The following ADAMTSL1 variants were observed in gnomAD, a reference collection of about 807,000 sequenced individuals.
The protein encoded by ADAMTSL1 is ADAMTS like 1.
ADAMTSL1 carries 126 observed loss-of-function variants against 201.8 expected under a neutral mutation model. The ratio of observed to expected loss-of-function variants is 0.62; its 90% confidence interval spans 0.54 to 0.72. The LOEUF is 0.72. ADAMTSL1 is among the 30% of genes least tolerant of loss of function. The pLI is 0.00. For synonymous variants in ADAMTSL1, 1,121 were observed against 903.4 expected (o/e 1.24, Z -4.32); for missense variants, 2,679 against 2,277.8 (o/e 1.18, Z -3.59).
chr9:18,616,983 C>G (rs1032980547), intron 4 of ADAMTSL1, among the ~76,000 whole-genome samples: 2 of 152,116 alleles, frequency 1.3e-5, no homozygotes, highest in African/African-American at 4.8e-5. Context: ...AAAGTTCTAT[C>G]TAAATTAAGT....
At chr9:18,718,525 C>T (rs773142346) in intron 14 of ADAMTSL1, 1 of 533,146 alleles carries the variant, frequency 1.9e-6, no homozygotes, top group Non-Finnish European at 3.8e-6. Flanking sequence ...TATACTCATG[C>T]ATGATGCAAA....
intron 2 of ADAMTSL1, among the ~76,000 whole-genome samples, chr9:18,317,166 G>A (rs1834434318): frequency 6.6e-6 from 1 of 152,128 alleles, no homozygotes; most frequent in African/African-American, 2.4e-5. Context: ...TATATGTGGT[G>A]TGGAATCTAG....
At chr9:18,630,556 A>C (rs924495595) in intron 5 of ADAMTSL1, among the ~76,000 whole-genome samples, 12 of 152,128 alleles carry the variant, frequency 7.9e-5, no homozygotes, top group African/African-American at 2.9e-4. Flanking sequence ...TGAGCTCTAC[A>C]GGTCTTCATA....
chr9:18,885,781 C>CGAAGGAGGTAGCAAG (rs1828811411), intron 23 of ADAMTSL1, among the ~76,000 whole-genome samples: 2 of 152,116 alleles, frequency 1.3e-5, no homozygotes, highest in African/African-American at 4.8e-5. Flanking sequence ...AGCAAAGAAA[C>CGAAGGAGGTAGCAAG]GAAGGAGGTA....
intron 1 of ADAMTSL1, among the ~76,000 whole-genome samples, chr9:18,043,622 G>A (rs946690229): frequency 1.3e-5 from 2 of 151,932 alleles, no homozygotes; most frequent in African/African-American, 2.4e-5. Flanking sequence ...ACTTCTAGAG[G>A]GAAGATATGG....
intron 1 of ADAMTSL1, among the ~76,000 whole-genome samples, chr9:17,985,053 TAA>T (rs375378125): frequency 2.0e-4 from 30 of 152,274 alleles, no homozygotes; most frequent in African/African-American, 6.5e-4. Context: ...TTCTGTATTT[TAA>T]AATAGGAAGA....
intron 2 of ADAMTSL1, among the ~76,000 whole-genome samples, chr9:18,511,998 C>G (rs1028767835): frequency 2.6e-5 from 4 of 152,106 alleles, no homozygotes; most frequent in African/African-American, 4.8e-5. Context: ...TGTTATCACC[C>G]TTGTTTTCCT....
intron 2 of ADAMTSL1, among the ~76,000 whole-genome samples, chr9:18,420,013 C>T (rs1818870494): frequency 6.6e-6 from 1 of 152,204 alleles, no homozygotes; most frequent in African/African-American, 2.4e-5. Context: ...CAGGTGTGAG[C>T]CACCGTGCCT....
intron 7 of ADAMTSL1, among the ~76,000 whole-genome samples, chr9:18,655,923 G>C (rs766300503): frequency 6.8e-6 from 1 of 148,012 alleles, no homozygotes; most frequent in Non-Finnish European, 1.5e-5. Flanking sequence ...ATGAGAAATA[G>C]AAATCTATAG....
chr9:18,680,739 A>G (rs1830421477), intron 11 of ADAMTSL1: 2 of 546,286 alleles, frequency 3.7e-6, no homozygotes, highest in African/African-American at 1.9e-5. Flanking sequence ...AGAAGCCTCT[A>G]TTGTTCCCCA....
Position 17,910,121 on chromosome 9 carries a change from CG to C in ADAMTSL1, c.87+3200del, listed in dbSNP as rs568998695. 5.1e-4 allele frequency among the ~76,000 whole-genome samples: 35 copies of C among 68,064 alleles called. 10 individuals carry two copies. The highest frequency in any genetic ancestry group is 9.7e-4 in the African/African-American group (33 of 34,012). 44.7% of individuals were successfully genotyped at this position (68,064 alleles called of 152,430 possible). A position where few individuals can be genotyped will look rare whatever the true frequency, so the allele number is the denominator to read the frequency against. ...TCCCTAAGCGCGGTATCATTTTGGT[CG>C]AGGCCCTTACCTTCCACTTCCTCAT... On this transcript the variant is annotated intron_variant, in intron 1 of 29. Transcript: ENST00000680146.
Position 18,776,967 on chromosome 9 carries a change from A to C in ADAMTSL1, c.2738A>C (p.Lys913Thr). Reference protein sequence around the residue: ...RVRKPLITWEKDGQHLISSTH... With the variant: ...RVRKPLITWETDGQHLISSTH... ...CGCAAGCCCCTCATCACCTGGGAGAAGGACGGCCAGCACCTCATCAGCTCG... is the reference window on the plus strand; with the variant it reads ...CGCAAGCCCCTCATCACCTGGGAGACGGACGGCCAGCACCTCATCAGCTCG... The change falls in exon 19 of 29, where the codon AAG (lysine) becomes ACG (threonine). Residue 913 changes from lysine (K) to threonine (T), a missense_variant. Physicochemically the swap from Lys to Thr is moderately conservative, Grantham distance 78. Transcript: ENST00000380548. 1 of 1,597,828 alleles carries C rather than the reference A, an allele frequency of 6.3e-7. No individual in the cohort carries two copies. The highest frequency in any genetic ancestry group is 8.5e-7 in the Non-Finnish European group (1 of 1,170,724).
intron 2 of ADAMTSL1, among the ~76,000 whole-genome samples, chr9:18,195,481 A>G (rs1279643260): frequency 6.6e-6 from 1 of 152,184 alleles, no homozygotes; most frequent in Non-Finnish European, 1.5e-5. Flanking sequence ...GCTTGTAAGC[A>G]GCAGGACTGG....
chr9:18,844,221 T>C (rs1825933535), intron 23 of ADAMTSL1, among the ~76,000 whole-genome samples: 2 of 152,206 alleles, frequency 1.3e-5, no homozygotes, highest in Non-Finnish European at 2.9e-5. Context: ...TTGGTGTGGA[T>C]GTCTTTTCTG....
intron 1 of ADAMTSL1, among the ~76,000 whole-genome samples, chr9:18,065,838 G>T (rs2131715747): frequency 6.6e-6 from 1 of 151,954 alleles, no homozygotes; most frequent in African/African-American, 2.4e-5. Flanking sequence ...AAAATTAGCT[G>T]GGCATGGTGG....
At chr9:18,849,700 C>G (rs1165438587) in intron 23 of ADAMTSL1, among the ~76,000 whole-genome samples, 2 of 152,126 alleles carry the variant, frequency 1.3e-5, no homozygotes, top group African/African-American at 2.4e-5. Flanking sequence ...GCATCTGTTT[C>G]CTCATTTATA....
intron 23 of ADAMTSL1, among the ~76,000 whole-genome samples, chr9:18,884,006 A>G (rs577447364): frequency 1.3e-5 from 2 of 152,316 alleles, no homozygotes; most frequent in East Asian, 3.9e-4. Context: ...GTTTTCCACA[A>G]CAGCTGTTCC....
chr9:18,369,140 A>C (rs922345203), intron 2 of ADAMTSL1, among the ~76,000 whole-genome samples: 3 of 152,224 alleles, frequency 2.0e-5, no homozygotes, highest in African/African-American at 7.2e-5. Flanking sequence ...AATCCTTTTT[A>C]AAAGAGATTT....
chr9:18,840,853 A>G (rs1432566528), intron 23 of ADAMTSL1, among the ~76,000 whole-genome samples: 2 of 149,226 alleles, frequency 1.3e-5, no homozygotes, highest in Non-Finnish European at 3.0e-5. Flanking sequence ...TTTTTGGTGT[A>G]TAAGAATGCT....
Sources: gnomAD v4.1 joint callset for allele counts (sites outside exome capture counted in the v4.1 genomes callset) on GRCh38, gnomAD v4.1.1 for gene constraint, MANE v1.5 for transcripts, NCBI Gene and HGNC (gene_info 2026-07-23, HGNC 2026-07-21) for gene names.